The following SNTG1 variants were observed in gnomAD, a reference collection of about 807,000 sequenced individuals.
SNTG1 encodes syntrophin gamma 1.
A neutral mutation model predicts 74.7 loss-of-function variants in SNTG1; 39 were observed. The observed-to-expected ratio is 0.52, with a 90% CI of 0.40 to 0.68. SNTG1 has a LOEUF of 0.68. Ranked by LOEUF, SNTG1 falls within the 30% of genes least tolerant of loss-of-function variation. The pLI, the probability that SNTG1 is intolerant of heterozygous loss-of-function variation, is 0.00. For synonymous variants in SNTG1, 254 were observed against 217.1 expected, an observed-to-expected ratio of 1.17 and a Z score of -1.49; for missense variants, 685 against 609.5, an observed-to-expected ratio of 1.12 and a Z score of -1.30.
chr8:50,149,861 G>T (rs1224586567), intron 1 of SNTG1, among the ~76,000 whole-genome samples: 1 of 152,132 alleles, frequency 6.6e-6, no homozygotes, highest in Non-Finnish European at 1.5e-5. Flanking sequence ...GCTTAGGATT[G>T]TCTTGGCAAT....
intron 1 of SNTG1, among the ~76,000 whole-genome samples, chr8:50,007,071 G>T (rs1460063996): frequency 6.6e-6 from 1 of 151,986 alleles, no homozygotes; most frequent in Non-Finnish European, 1.5e-5. Context: ...GGACAGGGAA[G>T]GAGAGCACCA....
At chr8:50,065,327 GTTTGCAGAATAAAAACAATTTTAAT>G (rs1342057812) in intron 1 of SNTG1, among the ~76,000 whole-genome samples, 1 of 152,078 alleles carries the variant, frequency 6.6e-6, no homozygotes, top group Non-Finnish European at 1.5e-5. Flanking sequence ...TTGTTTAGCT[GTTTGCAGAATAAAAACAATTTTAAT>G]TTTACATAAC....
chr8:50,068,870 G>A (rs767279404), intron 1 of SNTG1, among the ~76,000 whole-genome samples: 74 of 152,042 alleles, frequency 4.9e-4, no homozygotes, highest in Non-Finnish European at 8.2e-4. Context: ...CTCCCTGTGC[G>A]TCTTCCTAAT....
At chr8:50,381,781 G>GATAT (rs71233491) in intron 2 of SNTG1, 10 of 115,202 alleles carry the variant, frequency 8.7e-5, no homozygotes, top group South Asian at 2.8e-4. Flanking sequence ...ATATATATAG[G>GATAT]ATATATATAT....
intron 1 of SNTG1, among the ~76,000 whole-genome samples, chr8:49,943,716 C>G (rs558519868): frequency 1.2e-3 from 177 of 152,322 alleles, no homozygotes; most frequent in Admixed American, 2.4e-3. Context: ...TTCTGTACTT[C>G]TAGTACTTTC....
intron 12 of SNTG1, among the ~76,000 whole-genome samples, chr8:50,572,686 C>A (rs536080764): frequency 3.3e-5 from 5 of 152,216 alleles, no homozygotes; most frequent in Non-Finnish European, 5.9e-5. Flanking sequence ...TGTTTAAATT[C>A]TTCTCTTCTC....
chr8:50,685,744 T>A (rs117094992), intron 15 of SNTG1, among the ~76,000 whole-genome samples: 3,435 of 152,328 alleles, frequency 0.023, 55 homozygotes, highest in Middle Eastern at 0.041. Flanking sequence ...CAGACACTTT[T>A]GTGGGCACAC....
chr8:49,932,580 T>C (rs1427675293), intron 1 of SNTG1, among the ~76,000 whole-genome samples: 1 of 152,100 alleles, frequency 6.6e-6, no homozygotes, highest in Non-Finnish European at 1.5e-5. Flanking sequence ...TTAATGACAA[T>C]TTATTTGATC....
At chr8:50,066,721 A>C (rs536237193) in intron 1 of SNTG1, among the ~76,000 whole-genome samples, 8 of 152,336 alleles carry the variant, frequency 5.3e-5, no homozygotes, top group African/African-American at 1.9e-4. Context: ...TCAGTGTTTA[A>C]AATAATACAG....
intron 6 of SNTG1, among the ~76,000 whole-genome samples, chr8:50,450,026 A>T (rs2093441515): frequency 6.6e-6 from 1 of 152,232 alleles, no homozygotes; most frequent in Non-Finnish European, 1.5e-5. Context: ...AAAACTAATG[A>T]TAACAAGTCC....
intron 1 of SNTG1, among the ~76,000 whole-genome samples, chr8:50,126,488 A>G (rs1004303115): frequency 1.3e-5 from 2 of 152,140 alleles, no homozygotes; most frequent in African/African-American, 4.8e-5. Context: ...ATTTTTTTCA[A>G]AAGTTTAGTA....
chr8:50,160,024 T>C (rs946155502), intron 1 of SNTG1, among the ~76,000 whole-genome samples: 1 of 152,178 alleles, frequency 6.6e-6, no homozygotes, highest in African/African-American at 2.4e-5. Context: ...TTCAGAACAA[T>C]AAAACAGTAG....
intron 2 of SNTG1, among the ~76,000 whole-genome samples, chr8:50,186,432 C>T (rs2083387021): frequency 6.6e-6 from 1 of 152,108 alleles, no homozygotes; most frequent in Non-Finnish European, 1.5e-5. Context: ...TCAAATCAAT[C>T]AAAGTCCTTG....
intron 1 of SNTG1, among the ~76,000 whole-genome samples, chr8:50,113,081 G>C (rs556305734): frequency 4.1e-4 from 63 of 152,176 alleles, no homozygotes; most frequent in Non-Finnish European, 3.1e-4. Context: ...TGGCAATGTG[G>C]GCTCTTTTTT....
intron 1 of SNTG1, among the ~76,000 whole-genome samples, chr8:50,167,629 G>A (rs1250715820): frequency 6.8e-6 from 1 of 148,074 alleles, no homozygotes; most frequent in Non-Finnish European, 1.5e-5. Flanking sequence ...AAACCTCATC[G>A]CTACGAAAAA....
chr8:50,431,791 A>G (rs1247616068), intron 4 of SNTG1, among the ~76,000 whole-genome samples: 2 of 152,182 alleles, frequency 1.3e-5, no homozygotes, highest in African/African-American at 4.8e-5. Context: ...GATGTTGAAC[A>G]TGTCTTCATA....
At chr8:50,772,680 T>C (rs2131791768) in intron 18 of SNTG1, among the ~76,000 whole-genome samples, 2 of 152,214 alleles carry the variant, frequency 1.3e-5, no homozygotes, top group Middle Eastern at 6.8e-3. Context: ...ATATGGTTTG[T>C]TCCTCTGAAA....
At chr8:50,256,333 G>A (rs1224825230) in intron 2 of SNTG1, among the ~76,000 whole-genome samples, 1 of 151,932 alleles carries the variant, frequency 6.6e-6, no homozygotes, top group East Asian at 1.9e-4. Context: ...TGAAAGACTA[G>A]TCATTATACT....
chr8:50,768,331 GAAA>G (rs966563660), intron 18 of SNTG1, among the ~76,000 whole-genome samples: 1 of 150,674 alleles, frequency 6.6e-6, no homozygotes, highest in African/African-American at 2.4e-5. Context: ...TCGCTCTAGA[GAAA>G]AAAAAATGTT....
Sources: gnomAD v4.1 joint callset for allele counts (sites outside exome capture counted in the v4.1 genomes callset) on GRCh38, gnomAD v4.1.1 for gene constraint, MANE v1.5 for transcripts, NCBI Gene and HGNC (gene_info 2026-07-23, HGNC 2026-07-21) for gene names.